Variants in LMO7 observed in about 807,000 individuals in gnomAD.
The protein encoded by LMO7 is LIM domain 7, also known as LIM domain only protein 7.
Under a neutral mutation model 206.5 loss-of-function variants are expected in LMO7, and 120 were observed. The ratio of observed to expected loss-of-function variants is 0.58; its 90% confidence interval spans 0.50 to 0.68. The LOEUF (loss-of-function observed/expected upper bound fraction) is 0.68. Among genes scored for constraint, LMO7 ranks in the 30% least tolerant of loss-of-function variants. The pLI, the probability that LMO7 is intolerant of heterozygous loss-of-function variation, is 0.00. For missense variants in LMO7, 1,959 were observed against 1,957.9 expected, an observed-to-expected ratio of 1.00 and a Z score of -0.01; for synonymous variants, 706 against 681.5, an observed-to-expected ratio of 1.04 and a Z score of -0.56.
chr13:75,704,214 C>A (rs946068584), intron 1 of LMO7, among the ~76,000 whole-genome samples: 1 of 152,120 alleles, frequency 6.6e-6, no homozygotes, highest in African/African-American at 2.4e-5. Flanking sequence ...GGTCATGATA[C>A]GTGAACACTT....
At chr13:75,841,069 G>C in intron 22 of LMO7, 40 bp from the exon 23 acceptor site, 2 of 1,250,280 alleles carry the variant, frequency 1.6e-6, no homozygotes, top group Non-Finnish European at 2.3e-6. Flanking sequence ...AATGTGAAGA[G>C]TTAATCTATT....
intron 1 of LMO7, among the ~76,000 whole-genome samples, chr13:75,675,943 G>C (rs2039975596): frequency 6.6e-6 from 1 of 152,038 alleles, no homozygotes; most frequent in African/African-American, 2.4e-5. Context: ...CATCTTAGAT[G>C]AAGCAAAGTC....
chr13:75,842,190 A>C (rs1595467448), intron 24 of LMO7, among the ~76,000 whole-genome samples: 1 of 152,062 alleles, frequency 6.6e-6, no homozygotes, highest in African/African-American at 2.4e-5. Flanking sequence ...TCACATCAGA[A>C]CCCCATCCAG....
rs2059664433 is a variant in LMO7, at chr13:75,842,857, T to A, written c.4038T>A (p.Val1346=). 1 of 1,602,602 alleles carries A rather than the reference T, an allele frequency of 6.2e-7. No homozygotes were observed. The highest frequency in any genetic ancestry group is 8.5e-7 in the Non-Finnish European group (1 of 1,170,028). ...ATCTTTTTCTATCTTTTAGGCCTGT[T>A]GATTCCTATGATATACCAAAGACAG... The part of the protein sequence containing the change: ...SVRIYQYRRP[V]DSYDIPKTEE... Residue 1346 remains valine (V), a synonymous_variant, in exon 25 of 31, where the codon GTT becomes GTA. Transcript: ENST00000377534.
intron 1 of LMO7, among the ~76,000 whole-genome samples, chr13:75,694,712 G>T (rs1286471013): frequency 6.6e-6 from 1 of 152,162 alleles, no homozygotes; most frequent in Non-Finnish European, 1.5e-5. Flanking sequence ...TGAGTCTTGG[G>T]TGAGAGGGGA....
At chr13:75,784,085 C>T (rs1441168111) in intron 4 of LMO7, among the ~76,000 whole-genome samples, 1 of 152,076 alleles carries the variant, frequency 6.6e-6, no homozygotes, top group East Asian at 1.9e-4. Flanking sequence ...TTCTGATTTT[C>T]ATGCCTGGGG....
chr13:75,738,936 A>T (rs1714576287), intron 3 of LMO7, among the ~76,000 whole-genome samples: 1 of 152,206 alleles, frequency 6.6e-6, no homozygotes, highest in African/African-American at 2.4e-5. Context: ...CAGCCTTGGC[A>T]CTGTTGACAC....
At chr13:75,689,226 G>C (rs950043884) in intron 1 of LMO7, 1 of 152,154 alleles carries the variant, frequency 6.6e-6, no homozygotes, top group Non-Finnish European at 1.5e-5. Flanking sequence ...TCTCTAAGAG[G>C]ATGGCTTTAG....
chr13:75,642,241 T>G (rs2036607797), intron 1 of LMO7, among the ~76,000 whole-genome samples: 1 of 152,108 alleles, frequency 6.6e-6, no homozygotes, highest in African/African-American at 2.4e-5. Flanking sequence ...AACGTACTGA[T>G]GCACTGAAAG....
chr13:75,778,453 C>T (rs1367112748), intron 4 of LMO7, among the ~76,000 whole-genome samples: 1 of 152,124 alleles, frequency 6.6e-6, no homozygotes, highest in Non-Finnish European at 1.5e-5. Context: ...AGGATGGTCT[C>T]GATGTCCTGA....
chr13:75,705,170 G>C (rs1307717987), intron 1 of LMO7, among the ~76,000 whole-genome samples: 1 of 152,164 alleles, frequency 6.6e-6, no homozygotes, highest in African/African-American at 2.4e-5. Flanking sequence ...TGGCGCAGTC[G>C]CTTCCTAGCT....
intron 26 of LMO7, among the ~76,000 whole-genome samples, chr13:75,845,928 A>G (rs935665133): frequency 6.6e-6 from 1 of 152,182 alleles, no homozygotes; most frequent in Non-Finnish European, 1.5e-5. Flanking sequence ...CAGGGTTTGC[A>G]TATCAGGATT....
intron 2 of LMO7, among the ~76,000 whole-genome samples, chr13:75,718,506 C>G (rs2138297602): frequency 6.6e-6 from 1 of 152,248 alleles, no homozygotes; most frequent in Non-Finnish European, 1.5e-5. Flanking sequence ...GTTTTGGGTT[C>G]ACAGAAAAAC....
At chr13:75,709,740 C>T (rs996019381) in intron 1 of LMO7, among the ~76,000 whole-genome samples, 38 of 152,252 alleles carry the variant, frequency 2.5e-4, no homozygotes, top group East Asian at 1.9e-4. Flanking sequence ...TTCTCCCATT[C>T]TGTAGGTTGC....
chr13:75,836,293 G>T, intron 18 of LMO7, 104 bp from the exon 19 acceptor site: 1 of 662,582 alleles, frequency 1.5e-6, no homozygotes, highest in African/African-American at 1.9e-5. Context: ...AATATCCCGA[G>T]AAACTCATCT....
chr13:75,757,526 C>T (rs965124061), intron 3 of LMO7, among the ~76,000 whole-genome samples: 29 of 152,124 alleles, frequency 1.9e-4, no homozygotes, highest in Non-Finnish European at 8.8e-5. Context: ...GTAAGAACTG[C>T]TGTTCCTGAT....
intron 2 of LMO7, among the ~76,000 whole-genome samples, chr13:75,714,917 C>G (rs1186716683): frequency 1.3e-5 from 2 of 151,810 alleles, no homozygotes; most frequent in African/African-American, 2.4e-5. Flanking sequence ...AACCATACAC[C>G]CCACAAGTCT....
chr13:75,849,538 G>A (rs1274893213), intron 27 of LMO7, among the ~76,000 whole-genome samples: 3 of 151,190 alleles, frequency 2.0e-5, no homozygotes, highest in Non-Finnish European at 4.4e-5. Context: ...ACTCAAGCAG[G>A]CAAGACGCTG....
At chr13:75,794,936 T>A (rs2053767671) in intron 4 of LMO7, among the ~76,000 whole-genome samples, 1 of 152,032 alleles carries the variant, frequency 6.6e-6, no homozygotes, top group African/African-American at 2.4e-5. Flanking sequence ...TTATGGATGA[T>A]GAAAAAAAAA....
Sources: allele counts gnomAD v4.1 joint callset (sites outside exome capture counted in the v4.1 genomes callset), GRCh38; gene constraint gnomAD v4.1.1; transcripts MANE v1.5; gene names NCBI Gene and HGNC (gene_info 2026-07-23, HGNC 2026-07-21).